TTC21A: variants seen among roughly 807,000 people sequenced by gnomAD.
The protein encoded by TTC21A is tetratricopeptide repeat domain 21A.
In TTC21A, 128 loss-of-function variants were observed where a neutral mutation model predicts 156.4. The observed-to-expected ratio is 0.82, with a 90% CI of 0.71 to 0.95. The LOEUF (loss-of-function observed/expected upper bound fraction) is 0.95, where lower values mean the gene tolerates loss of function less well. TTC21A is among the 40% of genes least tolerant of loss of function. The pLI is 0.00. For missense variants in TTC21A, 1,435 were observed against 1,602.3 expected (o/e 0.90, Z 1.78); for synonymous variants, 587 against 617.1 (o/e 0.95, Z 0.72).
rs764902017 is a variant in TTC21A at position 39,137,010 on chromosome 3, C to A, written c.3207C>A (p.Asp1069Glu). Residue 1069 changes from aspartate (D) to glutamate (E), a missense_variant, in exon 24 of 29, where the codon GAC becomes GAA. Transcript: ENST00000683103. ...YHMVQICLNPDNEVVGGEAFE... is the reference protein window; with the variant it reads ...YHMVQICLNPENEVVGGEAFE... ...TGGTGCAGATCTGTCTGAATCCAGACAACGAGGTTGTGGGCGGAGAGGCTT... is the reference window on the plus strand; with the variant it reads ...TGGTGCAGATCTGTCTGAATCCAGAAAACGAGGTTGTGGGCGGAGAGGCTT... 2 of 1,613,952 alleles carry A rather than the reference C, an allele frequency of 1.2e-6. No individual in the cohort carries two copies. The highest frequency in any genetic ancestry group is 3.3e-5 in the Admixed American group (2 of 60,000).
intron 9 of TTC21A, among the ~76,000 whole-genome samples, chr3:39,122,151 A>G (rs1054533693): frequency 4.6e-5 from 7 of 152,044 alleles, no homozygotes; most frequent in Non-Finnish European, 1.0e-4. Flanking sequence ...TCTACTAAAA[A>G]CACACAAAAA....
chr3:39,108,957 CTT>C, intron 1 of TTC21A, 126 bp from the exon 2 acceptor site: 1 of 1,083,966 alleles, frequency 9.2e-7, no homozygotes, highest in Non-Finnish European at 1.3e-6. Flanking sequence ...AATGTTTCCT[CTT>C]TCTCTTCCCT....
intron 21 of TTC21A, 81 bp from the exon 22 acceptor site, chr3:39,135,012 C>A: frequency 8.4e-7 from 1 of 1,192,872 alleles, no homozygotes; most frequent in Non-Finnish European, 1.3e-6. Context: ...ACCACCATCA[C>A]CCCCATACCC....
chr3:39,120,923 C>T (rs1014835758), intron 8 of TTC21A, 74 bp from the exon 9 acceptor site: 15 of 1,357,204 alleles, frequency 1.1e-5, no homozygotes, highest in African/African-American at 4.4e-5. Context: ...AAGTGTCCCC[C>T]GTTTCTGACA....
At chr3:39,128,569 G>T in intron 13 of TTC21A, 81 bp downstream of exon 13, 1 of 1,593,260 alleles carries the variant, frequency 6.3e-7, no homozygotes, top group Non-Finnish European at 8.6e-7. Flanking sequence ...TAGCCCCAGG[G>T]GCTAGCTGTG....
At chr3:39,110,233 G>C (rs749308256) in intron 3 of TTC21A, 94 bp downstream of exon 3, 39 of 922,850 alleles carry the variant, frequency 4.2e-5, no homozygotes, top group Non-Finnish European at 6.3e-5. Context: ...TGCCAAAGGA[G>C]GTATGTGCCC....
chr3:39,125,855 C>T (rs747411107), intron 11 of TTC21A, among the ~76,000 whole-genome samples: 7 of 152,214 alleles, frequency 4.6e-5, no homozygotes, highest in Non-Finnish European at 2.9e-5. Context: ...TGCCTTTATC[C>T]GAGATGAGAA....
chr3:39,134,654 G>A lies in TTC21A; in HGVS notation c.2862+326G>A, dbSNP rs981931047. 8 of 489,726 alleles carry A rather than the reference G, an allele frequency of 1.6e-5. No homozygotes were observed. The South Asian group carries it at 1.6e-4, about 10-fold the overall frequency. 30.3% of individuals were successfully genotyped at this position (489,726 alleles called of 1,614,324 possible). On this transcript the variant is annotated intron_variant, in intron 21 of 28. Coordinates refer to ENST00000683103, the MANE Select transcript of TTC21A (RefSeq NM_001366900.1). The surrounding 1 kb of genome is among the most constrained non-coding windows in gnomAD (Gnocchi z 4.6). ...GGGGCTTCAGGAAAAGCCCTCCTCG[G>A]TCCTGCCTCTCTCTTCCCTATCATC...
intron 13 of TTC21A, 103 bp from the exon 14 acceptor site, chr3:39,128,614 G>A (rs939553812): frequency 9.0e-6 from 14 of 1,556,694 alleles, no homozygotes; most frequent in South Asian, 2.4e-5. Context: ...AAAGGCAGGG[G>A]TAGGCTCAGT....
In TTC21A at chr3:39,128,714, T is replaced by A. The variant is rs765499527; in HGVS notation, c.1681-3T>A. ...GCCCCACACTCTGCTGTGCTCCTCCTAGGTCCGAGATCACCCCCTCTACCA... is the reference window on the plus strand; with the variant it reads ...GCCCCACACTCTGCTGTGCTCCTCCAAGGTCCGAGATCACCCCCTCTACCA... On this transcript the variant is annotated splice_region_variant and splice_polypyrimidine_tract_variant and intron_variant, in intron 13 of 28. Transcript: ENST00000683103. The A allele has an allele frequency of 6.2e-7, 1 of 1,613,834 alleles. No homozygotes were observed. The highest frequency in any genetic ancestry group is 1.1e-5 in the South Asian group (1 of 91,072).
Position 39,138,845 on chromosome 3 carries a change from G to C in TTC21A, c.*57G>C. On this transcript the variant is annotated 3_prime_UTR_variant, in exon 29 of 29. Coordinates refer to ENST00000683103, the MANE Select transcript of TTC21A (RefSeq NM_001366900.1). ...CATCAACCTACTGAAGTTGTGTGGA[G>C]GGATGGAAAGTGGGTCAGTGGAGAA... The C allele has an allele frequency of 2.0e-6, 3 of 1,473,284 alleles. No homozygotes were observed. Among genetic ancestry groups the C allele is most frequent in the Non-Finnish European group, 2.8e-6 (3 of 1,060,354 alleles). 91.3% of individuals were successfully genotyped at this position (1,473,284 alleles called of 1,614,324 possible).
intron 10 of TTC21A, 36 bp downstream of exon 10, chr3:39,125,196 T>A (rs1409294258): frequency 6.4e-7 from 1 of 1,557,220 alleles, no homozygotes; most frequent in South Asian, 1.1e-5. Context: ...TGCTCCAGGA[T>A]GATGTCCTCT....
chr3:39,109,334 C>G, intron 2 of TTC21A, 120 bp downstream of exon 2: 1 of 1,158,392 alleles, frequency 8.6e-7, no homozygotes, highest in Non-Finnish European at 1.2e-6. Flanking sequence ...GTTTCACACT[C>G]AGCGGCTGGA....
intron 6 of TTC21A, among the ~76,000 whole-genome samples, chr3:39,117,200 A>G (rs2037367457): frequency 6.6e-6 from 1 of 152,212 alleles, no homozygotes; most frequent in Admixed American, 6.5e-5. Flanking sequence ...TTTGGTCTAT[A>G]AGTTATTTCA....
At position 39,109,205 on chromosome 3, in the gene TTC21A, C is replaced by T; in HGVS notation, c.148C>T (p.Leu50Phe). The T allele has an allele frequency of 6.2e-7, 1 of 1,613,358 alleles. No individual in the cohort carries two copies. ...GAAGTTCTTTAAAGCCTATGGAGTCCTCAAAGAAGGTAAGGACTTGGCAGT... is the reference window on the plus strand; with the variant it reads ...GAAGTTCTTTAAAGCCTATGGAGTCTTCAAAGAAGGTAAGGACTTGGCAGT... Reference protein sequence around the residue: ...VLKFFKAYGVLKEEHIQDAIS... With the variant: ...VLKFFKAYGVFKEEHIQDAIS... Residue 50 changes from leucine (L) to phenylalanine (F), a missense_variant, in exon 2 of 29, where the codon CTC becomes TTC. Transcript: ENST00000683103.
intron 25 of TTC21A, 47 bp downstream of exon 25, chr3:39,137,434 G>A (rs776503946): frequency 6.2e-7 from 1 of 1,611,372 alleles, no homozygotes; most frequent in South Asian, 1.1e-5. Flanking sequence ...GCAGGGCCGA[G>A]AAGACCAGGC....
At chr3:39,124,017 A>G (rs1347149562) in intron 9 of TTC21A, among the ~76,000 whole-genome samples, 2 of 152,162 alleles carry the variant, frequency 1.3e-5, no homozygotes, top group African/African-American at 4.8e-5. Context: ...AGCACGTTTG[A>G]GGTTATGAAG....
At chr3:39,133,815 CCA>C (rs2038909728) in intron 20 of TTC21A, among the ~76,000 whole-genome samples, 1 of 152,192 alleles carries the variant, frequency 6.6e-6, no homozygotes, top group Non-Finnish European at 1.5e-5. Flanking sequence ...TGGTCACTGC[CCA>C]CAGATTACCC....
chr3:39,110,759 G>T lies in TTC21A; in HGVS notation c.269-92G>T, dbSNP rs182636953. Reference sequence around the variant, plus strand: ...ATCCACAGTGTCTGGGGGAGACCCCGAGGTAGTTCCCTGGGCCCTCGGTGG... The same window carrying T: ...ATCCACAGTGTCTGGGGGAGACCCCTAGGTAGTTCCCTGGGCCCTCGGTGG... On this transcript the variant is annotated intron_variant, in intron 3 of 28. Coordinates refer to ENST00000683103, the MANE Select transcript of TTC21A (RefSeq NM_001366900.1). 2.2e-3 allele frequency: 3,107 copies of T among 1,416,950 alleles called. 2 individuals are homozygous for T. Among genetic ancestry groups the T allele is most frequent in the Non-Finnish European group, 2.6e-3 (2,690 of 1,018,124 alleles). The allele number at this position is 1,416,950 out of a possible 1,614,324, so 87.8% of individuals were successfully genotyped here.
Sources: gnomAD v4.1 joint callset for allele counts (sites outside exome capture counted in the v4.1 genomes callset) on GRCh38, gnomAD v4.1.1 for gene constraint, Gnocchi (gnomAD v3.1) non-coding constraint, MANE v1.5 for transcripts, NCBI Gene and HGNC (gene_info 2026-07-23, HGNC 2026-07-21) for gene names.